Variants in ZFHX3 observed in about 807,000 individuals in gnomAD.
The protein encoded by ZFHX3 is zinc finger homeobox 3.
In ZFHX3, 42 loss-of-function variants were observed where a neutral mutation model predicts 279.1. That is an observed-to-expected ratio of 0.15 (90% CI 0.12 to 0.19). The LOEUF is 0.19. Ranked by LOEUF, ZFHX3 falls within the 10% of genes least tolerant of loss-of-function variation. The probability of loss-of-function intolerance (pLI) is 1.00; values close to 1 mark genes in which losing one functional copy is unlikely to be tolerated. For missense variants in ZFHX3, 4,981 were observed against 4,754.0 expected (o/e 1.05, Z -1.40); for synonymous variants, 2,293 against 1,957.8 (o/e 1.17, Z -4.52).
At position 73,006,393 on chromosome 16, in the gene ZFHX3, C is replaced by A. The variant is rs138956676; in HGVS notation, c.-50+41359G>T. ...ATCCCAGAATTTTGGGAGGCCAACG[C>A]AGGAGGATAACTTGAGGCCAGGAGT... On this transcript the variant is annotated intron_variant, in intron 1 of 9. Transcript: ENST00000268489. 6.4e-3 allele frequency among the ~76,000 whole-genome samples: 975 copies of A among 152,084 alleles called. 6 individuals are homozygous for A. Among genetic ancestry groups the A allele is most frequent in the African/African-American group, 0.023 (935 of 41,458 alleles).
At chr16:73,312,658 G>A (rs1449431476) in intron 4 of ZFHX3, among the ~76,000 whole-genome samples, 3 of 152,146 alleles carry the variant, frequency 2.0e-5, no homozygotes, top group Admixed American at 6.5e-5. Flanking sequence ...TGCTTCACAC[G>A]CTCTGTCCAA....
chr16:73,853,024 C>T (rs1210200183), intron 1 of ZFHX3, among the ~76,000 whole-genome samples: 1 of 152,140 alleles, frequency 6.6e-6, no homozygotes, highest in Non-Finnish European at 1.5e-5. Flanking sequence ...AGGACCTGAA[C>T]AGACATTTCT....
chr16:73,295,914 A>G (rs2014897564), intron 4 of ZFHX3, among the ~76,000 whole-genome samples: 1 of 152,204 alleles, frequency 6.6e-6, no homozygotes, highest in South Asian at 2.1e-4. Context: ...CCTACCGTGG[A>G]AAAGCCACCT....
intron 7 of ZFHX3, chr16:73,127,165 C>G (rs1390501248): frequency 2.9e-6 from 1 of 349,094 alleles, no homozygotes; most frequent in Non-Finnish European, 5.4e-6. Flanking sequence ...AAATAGCTGA[C>G]TACCTGTTGG....
chr16:72,955,776 C>CAA (rs11441187), intron 2 of ZFHX3, among the ~76,000 whole-genome samples: 53,147 of 105,730 alleles, frequency 0.5, 13,827 homozygotes, highest in Non-Finnish European at 0.6. Context: ...GACTCTGTCT[C>CAA]AAAAAAAAAA....
At chr16:72,896,372 C>G (rs1416321940) in intron 3 of ZFHX3, among the ~76,000 whole-genome samples, 1 of 152,200 alleles carries the variant, frequency 6.6e-6, no homozygotes, top group Non-Finnish European at 1.5e-5. Context: ...CCCCATCTGT[C>G]TCTGTGCCTT....
In ZFHX3 at chr16:73,858,104, A is replaced by AT. The variant is rs1170881910; in HGVS notation, c.-1608+33546_-1608+33547insA. Among the ~76,000 whole-genome samples the AT allele has an allele frequency of 2.6e-5, 4 of 152,142 alleles. No individual in the cohort carries two copies. In the East Asian group the frequency reaches 7.7e-4, roughly 29 times the overall value. ...GAACAAGATTCTGTCTCAAAAAAAA[A>AT]AAAAGAAGAAGAAGAAGAAGAAGTC... On this transcript the variant is annotated intron_variant, in intron 1 of 17. Coordinates refer to the ZFHX3 transcript ENST00000641206.
intron 3 of ZFHX3, among the ~76,000 whole-genome samples, chr16:73,406,978 A>G (rs9922098): frequency 0.61 from 93,199 of 152,066 alleles, 31,158 homozygotes; most frequent in African/African-American, 0.9. Flanking sequence ...AATTGAATCA[A>G]GGTTTTGGTG....
chr16:72,952,228 G>A (rs1199928022), intron 2 of ZFHX3, among the ~76,000 whole-genome samples: 1 of 152,202 alleles, frequency 6.6e-6, no homozygotes, highest in Non-Finnish European at 1.5e-5. Flanking sequence ...GACAGAGCAG[G>A]ACCCTGTCTC....
chr16:73,346,344 A>G (rs917095192), intron 3 of ZFHX3, among the ~76,000 whole-genome samples: 1 of 152,116 alleles, frequency 6.6e-6, no homozygotes, highest in Non-Finnish European at 1.5e-5. Context: ...TCTCGCCACC[A>G]TGGATGCACA....
intron 1 of ZFHX3, among the ~76,000 whole-genome samples, chr16:73,705,248 G>A (rs1382592179): frequency 2.6e-5 from 4 of 152,114 alleles, no homozygotes; most frequent in Admixed American, 2.6e-4. Flanking sequence ...TGAAAATGTA[G>A]CAATCAGAGC....
intron 5 of ZFHX3, among the ~76,000 whole-genome samples, chr16:73,192,350 C>T (rs1484577448): frequency 5.3e-5 from 8 of 152,078 alleles, no homozygotes; most frequent in Admixed American, 1.3e-4. Flanking sequence ...AAACCCAAAC[C>T]ACCCGCCGCC....
rs567561253 is a variant in ZFHX3, at chr16:73,158,248, G to T, written c.-1103-14417C>A. On this transcript the variant is annotated intron_variant, in intron 5 of 17. Transcript: ENST00000641206. ...CATACCATGAGTACCTCGCTACAGT[G>T]TTGAAATCTAACCCAGCCAGGAGTT... is the stretch of plus-strand genomic sequence containing the variant. 2.0e-5 allele frequency among the ~76,000 whole-genome samples: 3 copies of T among 152,168 alleles called. No individual in the cohort carries two copies. In the East Asian group the frequency reaches 5.8e-4, roughly 29 times the overall value.
At chr16:73,366,022 C>G (rs2016523034) in intron 3 of ZFHX3, among the ~76,000 whole-genome samples, 1 of 152,170 alleles carries the variant, frequency 6.6e-6, no homozygotes, top group Non-Finnish European at 1.5e-5. Flanking sequence ...TGGGATCAAA[C>G]CAAACATCCA....
intron 2 of ZFHX3, among the ~76,000 whole-genome samples, chr16:73,637,848 A>G (rs1002796656): frequency 2.0e-5 from 3 of 152,208 alleles, no homozygotes; most frequent in African/African-American, 7.2e-5. Flanking sequence ...ATCCCCCACT[A>G]GAAAATAAGA....
intron 1 of ZFHX3, among the ~76,000 whole-genome samples, chr16:73,840,881 T>C (rs781595111): frequency 6.6e-6 from 1 of 152,000 alleles, no homozygotes; most frequent in Non-Finnish European, 1.5e-5. Flanking sequence ...GGGAGGGGGT[T>C]GGGGAAGAGG....
chr16:73,165,024 C>T (rs1039262206), intron 5 of ZFHX3, among the ~76,000 whole-genome samples: 5 of 152,326 alleles, frequency 3.3e-5, no homozygotes, highest in South Asian at 2.1e-4. Flanking sequence ...AATTTTGAAT[C>T]ATGCTCAAGA....
intron 3 of ZFHX3, among the ~76,000 whole-genome samples, chr16:73,429,396 A>G (rs2143511049): frequency 6.6e-6 from 1 of 151,888 alleles, no homozygotes; most frequent in Non-Finnish European, 1.5e-5. Flanking sequence ...GTAGTGGTGC[A>G]ATCTCGACTC....
At chr16:72,870,014 T>G (rs1231977330) in intron 4 of ZFHX3, among the ~76,000 whole-genome samples, 1 of 152,180 alleles carries the variant, frequency 6.6e-6, no homozygotes, top group Non-Finnish European at 1.5e-5. Context: ...AAGCATCACA[T>G]GAACCCAGTT....
Sources: gnomAD v4.1 joint callset for allele counts (sites outside exome capture counted in the v4.1 genomes callset) on GRCh38, gnomAD v4.1.1 for gene constraint, MANE v1.5 for transcripts, NCBI Gene and HGNC (gene_info 2026-07-23, HGNC 2026-07-21) for gene names.